Variants in VWA8 observed in about 807,000 individuals in gnomAD.
VWA8 encodes von Willebrand factor A domain containing 8, also known as von Willebrand factor A domain-containing protein 8.
Under a neutral mutation model 241.5 loss-of-function variants are expected in VWA8, and 221 were observed. That is an observed-to-expected ratio of 0.91 (90% CI 0.82 to 1.02). The LOEUF is 1.02. VWA8 is among the 50% of genes least tolerant of loss of function. The pLI, the probability that VWA8 is intolerant of heterozygous loss-of-function variation, is 0.00. For missense variants in VWA8, 2,322 were observed against 2,328.7 expected, an observed-to-expected ratio of 1.00 and a Z score of 0.06; for synonymous variants, 852 against 827.1, an observed-to-expected ratio of 1.03 and a Z score of -0.52.
At chr13:41,926,302 A>T (rs1593875236) in intron 2 of VWA8, 1 of 611,244 alleles carries the variant, frequency 1.6e-6, no homozygotes, top group East Asian at 3.5e-5. Flanking sequence ...TTGATACTAA[A>T]TGATTTTGTG....
At chr13:41,833,596 G>A (rs766726954) in intron 12 of VWA8, 65 bp from the exon 13 acceptor site, 4 of 1,467,074 alleles carry the variant, frequency 2.7e-6, no homozygotes, top group South Asian at 1.5e-5. Context: ...ATGCAAGGTA[G>A]CTTACATGGC....
At chr13:41,626,604 A>G (rs118092107) in intron 37 of VWA8, among the ~76,000 whole-genome samples, 212 of 152,310 alleles carry the variant, frequency 1.4e-3, no homozygotes, top group East Asian at 1.4e-3. Context: ...ACGAACCCCA[A>G]AGTAAAGCTG....
At chr13:41,569,432 A>C (rs1021106093) in intron 44 of VWA8, among the ~76,000 whole-genome samples, 1 of 152,220 alleles carries the variant, frequency 6.6e-6, no homozygotes, top group Non-Finnish European at 1.5e-5. Flanking sequence ...TGTAAAAACT[A>C]AGAAGAATGA....
At chr13:41,589,310 A>AT (rs1028203551) in intron 41 of VWA8, among the ~76,000 whole-genome samples, 18 of 151,980 alleles carry the variant, frequency 1.2e-4, no homozygotes, top group South Asian at 6.3e-4. Context: ...TATTTTCTAT[A>AT]TTTTTTTTCA....
intron 4 of VWA8, among the ~76,000 whole-genome samples, chr13:41,898,179 C>T (rs911472381): frequency 1.4e-5 from 2 of 147,850 alleles, no homozygotes; most frequent in African/African-American, 5.0e-5. Context: ...TTTACAATCC[C>T]TGAGCTAGAC....
intron 17 of VWA8, among the ~76,000 whole-genome samples, chr13:41,808,981 A>C (rs541542492): frequency 6.6e-6 from 1 of 152,230 alleles, no homozygotes; most frequent in East Asian, 1.9e-4. Flanking sequence ...AATGTGAAAA[A>C]GAAATAAAAA....
chr13:41,855,819 A>C (rs2138036048), intron 12 of VWA8, among the ~76,000 whole-genome samples: 1 of 152,308 alleles, frequency 6.6e-6, no homozygotes, highest in Admixed American at 6.5e-5. Flanking sequence ...ACGTGACTTT[A>C]AAAACCCCAC....
intron 26 of VWA8, among the ~76,000 whole-genome samples, chr13:41,711,641 A>C (rs368169905): frequency 6.6e-6 from 1 of 152,124 alleles, no homozygotes; most frequent in African/African-American, 2.4e-5. Flanking sequence ...TTGGGAGGCC[A>C]AGGCGGGCAG....
At chr13:41,638,810 G>C (rs2044775960) in intron 37 of VWA8, among the ~76,000 whole-genome samples, 1 of 152,128 alleles carries the variant, frequency 6.6e-6, no homozygotes, top group Non-Finnish European at 1.5e-5. Context: ...GAGATCTGTG[G>C]GGTTCAGAAA....
rs182595509 is a variant in VWA8 at position 41,653,895 on chromosome 13, T to C, written c.4611+17051A>G. On this transcript the variant is annotated intron_variant, in intron 37 of 44. Coordinates refer to ENST00000379310, the MANE Select transcript of VWA8 (RefSeq NM_015058.2). Reference sequence around the variant, plus strand: ...AACTGGACCTCTTCCTTTTACTACATACAGAAATAAACTCAAAATGGATTA... The same window carrying C: ...AACTGGACCTCTTCCTTTTACTACACACAGAAATAAACTCAAAATGGATTA... 2.6e-5 allele frequency among the ~76,000 whole-genome samples: 4 copies of C among 152,240 alleles called. No individual in the cohort carries two copies. The East Asian group carries it at 7.7e-4, about 29-fold the overall frequency.
chr13:41,600,176 C>T (rs149657132), intron 40 of VWA8, among the ~76,000 whole-genome samples: 306 of 152,196 alleles, frequency 2.0e-3, no homozygotes, highest in African/African-American at 7.1e-3. Flanking sequence ...AAGCTGTTTG[C>T]GTGTCACTAG....
At chr13:41,762,672 C>T (rs1416799527) in intron 20 of VWA8, among the ~76,000 whole-genome samples, 1 of 152,050 alleles carries the variant, frequency 6.6e-6, no homozygotes, top group African/African-American at 2.4e-5. Context: ...GGTATTTTTA[C>T]TGGTATTTTT....
intron 37 of VWA8, among the ~76,000 whole-genome samples, chr13:41,630,171 G>A (rs768079719): frequency 6.6e-6 from 1 of 152,284 alleles, no homozygotes; most frequent in African/African-American, 2.4e-5. Context: ...CTATTAGGGC[G>A]ACTTGTGATA....
At chr13:41,603,294 T>A (rs1232420280) in intron 40 of VWA8, among the ~76,000 whole-genome samples, 2 of 152,166 alleles carry the variant, frequency 1.3e-5, no homozygotes, top group African/African-American at 2.4e-5. Context: ...GAGCCATTCC[T>A]TGATGCTAAC....
chr13:41,591,142 G>A (rs2044451955), intron 40 of VWA8, among the ~76,000 whole-genome samples: 1 of 152,178 alleles, frequency 6.6e-6, no homozygotes, highest in African/African-American at 2.4e-5. Context: ...TGTAAGCCCA[G>A]AGAAAATGTG....
In VWA8 at chr13:41,961,019, G is replaced by A; in HGVS notation, c.-4C>T. The A allele has an allele frequency of 2.2e-6, 3 of 1,363,876 alleles. No homozygotes were observed. Among genetic ancestry groups the A allele is most frequent in the South Asian group, 1.7e-5 (1 of 57,924 alleles). The allele number at this position is 1,363,876 out of a possible 1,614,324, so 84.5% of individuals were successfully genotyped here. On this transcript the variant is annotated 5_prime_UTR_variant, in exon 1 of 45. Transcript: ENST00000379310. ...GGAGTAGAAGCCGGGATTGCATGGCGCCGGGGGGGCTGTCGGGGACGGCGA... is the reference window on the plus strand; with the variant it reads ...GGAGTAGAAGCCGGGATTGCATGGCACCGGGGGGGCTGTCGGGGACGGCGA...
rs528090503 is a variant in VWA8, at chr13:41,721,557, T to C, written c.2777A>G (p.His926Arg). The C allele has an allele frequency of 8.9e-5, 144 of 1,612,936 alleles. No homozygotes were observed. Among genetic ancestry groups the C allele is most frequent in the Middle Eastern group, 5.0e-4 (3 of 6,040 alleles). The change falls in exon 25 of 45, where the codon CAT becomes CGT. Residue 926 changes from histidine (H) to arginine (R), a missense_variant. Transcript: ENST00000379310. ...FGTLGDIFSCHAVDNPKPHSE... is the reference protein window; with the variant it reads ...FGTLGDIFSCRAVDNPKPHSE... ...GTGGGGTTTGGGGTTATCAACTGCATGGCAGCTAAAAATATCACCTAAAGG... is the reference window on the plus strand; with the variant it reads ...GTGGGGTTTGGGGTTATCAACTGCACGGCAGCTAAAAATATCACCTAAAGG...
At chr13:41,614,884 C>T (rs1308973429) in intron 38 of VWA8, 92 bp downstream of exon 38, 24 of 1,257,322 alleles carry the variant, frequency 1.9e-5, no homozygotes, top group South Asian at 1.4e-4. Context: ...AAGGAAAGCC[C>T]GTCTCTGAGT....
At chr13:41,631,499 T>C (rs939024162) in intron 37 of VWA8, among the ~76,000 whole-genome samples, 24 of 152,226 alleles carry the variant, frequency 1.6e-4, no homozygotes, top group African/African-American at 5.5e-4. Context: ...TCTGAGTCTA[T>C]AGGTGATGAC....
Sources: gnomAD v4.1 joint callset for allele counts (sites outside exome capture counted in the v4.1 genomes callset) on GRCh38, gnomAD v4.1.1 for gene constraint, MANE v1.5 for transcripts, NCBI Gene and HGNC (gene_info 2026-07-23, HGNC 2026-07-21) for gene names.